LMCD1: variants seen among roughly 807,000 people sequenced by gnomAD.
LMCD1 encodes the protein LIM and cysteine-rich domains protein 1.
In LMCD1, 32 loss-of-function variants were observed where a neutral mutation model predicts 42.7. That is an observed-to-expected ratio of 0.75 (90% confidence interval 0.57 to 1.01). The LOEUF is 1.01. Among genes scored for constraint, LMCD1 ranks in the 50% least tolerant of loss-of-function variants. LMCD1 has a pLI of 0.00. For synonymous variants in LMCD1, 178 were observed against 184.9 expected (o/e 0.96, Z 0.30); for missense variants, 458 against 483.1 (o/e 0.95, Z 0.49).
intron 1 of LMCD1, among the ~76,000 whole-genome samples, chr3:8,524,327 G>A (rs956037692): frequency 6.6e-6 from 1 of 152,150 alleles, no homozygotes; most frequent in East Asian, 1.9e-4. Context: ...GTTGGGGAGG[G>A]TTTGGGGACC....
chr3:8,549,725 TG>T lies in LMCD1; in HGVS notation c.723+824del, dbSNP rs140039789. ...AAAAGGAATGTATTTCATACATCTGTGGAGGCTGAGAAGTCCAAGGCCAAGG... is the reference window on the plus strand; with the variant it reads ...AAAAGGAATGTATTTCATACATCTGTGAGGCTGAGAAGTCCAAGGCCAAGG... On this transcript the variant is annotated intron_variant, in intron 4 of 5. Coordinates refer to ENST00000157600, the MANE Select transcript of LMCD1 (RefSeq NM_014583.4). The T allele has an allele frequency of 8.0e-3, 5,496 of 683,784 alleles. 50 individuals carry two copies. Among genetic ancestry groups the T allele is most frequent in the South Asian group, 0.011 (684 of 64,896 alleles). 42.4% of individuals were successfully genotyped at this position (683,784 alleles called of 1,614,324 possible).
intron 1 of LMCD1, among the ~76,000 whole-genome samples, chr3:8,525,121 T>G (rs967462405): frequency 1.3e-5 from 2 of 152,244 alleles, no homozygotes; most frequent in Non-Finnish European, 2.9e-5. Context: ...GTCATGATGC[T>G]TTACATTAGA....
intron 4 of LMCD1, among the ~76,000 whole-genome samples, chr3:8,558,203 G>C (rs1694961947): frequency 6.6e-6 from 1 of 152,184 alleles, no homozygotes; most frequent in Admixed American, 6.5e-5. Flanking sequence ...ATTCTATGTT[G>C]GTTGGAAGGG....
chr3:8,572,677 A>C lies in LMCD1; in HGVS notation c.*5079A>C, dbSNP rs927510737. On this transcript the variant is annotated 3_prime_UTR_variant, in exon 6 of 6. Coordinates refer to ENST00000157600, the MANE Select transcript of LMCD1 (RefSeq NM_014583.4). ...ATTTCTATTTTATTAAATAGTTTAT[A>C]ATTGATTACCATCCTTATTTATTTT... The C allele has an allele frequency of 1.3e-5, 2 of 152,198 alleles. No homozygotes were observed. The highest frequency in any genetic ancestry group is 2.9e-5 in the Non-Finnish European group (2 of 68,040). The allele number at this position is 152,198 out of a possible 1,614,324, so 9.4% of individuals were successfully genotyped here. A position where few individuals can be genotyped will look rare whatever the true frequency, so the allele number is the denominator to read the frequency against.
chr3:8,512,775 C>G (rs956929518), intron 1 of LMCD1, among the ~76,000 whole-genome samples: 7 of 152,178 alleles, frequency 4.6e-5, no homozygotes, highest in African/African-American at 1.4e-4. Flanking sequence ...TTAAAATTAA[C>G]TTTTAAGAGG....
chr3:8,514,286 A>G (rs1270731530), intron 1 of LMCD1, among the ~76,000 whole-genome samples: 1 of 152,242 alleles, frequency 6.6e-6, no homozygotes, highest in Non-Finnish European at 1.5e-5. Context: ...ATCATTATTC[A>G]TTACAGAAAA....
At chr3:8,513,042 C>T (rs1694031641) in intron 1 of LMCD1, among the ~76,000 whole-genome samples, 1 of 152,158 alleles carries the variant, frequency 6.6e-6, no homozygotes, top group Non-Finnish European at 1.5e-5. Context: ...ACACTCACAC[C>T]TCCTGAAGAT....
chr3:8,513,418 T>G (rs945620288), intron 1 of LMCD1, among the ~76,000 whole-genome samples: 1 of 152,134 alleles, frequency 6.6e-6, no homozygotes, highest in Non-Finnish European at 1.5e-5. Flanking sequence ...CTCACTCAGG[T>G]GGGGAAGCCC....
rs908418785 is a variant in LMCD1 at position 8,571,829 on chromosome 3, G to A, written c.*4231G>A. The A allele has an allele frequency of 6.6e-6, 1 of 152,212 alleles. No individual in the cohort carries two copies. The highest frequency in any genetic ancestry group is 2.4e-5 in the African/African-American group (1 of 41,454). The allele number at this position is 152,212 out of a possible 1,614,324, so 9.4% of individuals were successfully genotyped here. On this transcript the variant is annotated 3_prime_UTR_variant, in exon 6 of 6. Transcript: ENST00000157600. ...ACTTACGAAAAAAGTTACAAGAAGA[G>A]AACAAAGAGCTATTAGAGGGTGTTG... is the stretch of plus-strand genomic sequence containing the variant.
At chr3:8,502,941 T>C (rs1693794255) in intron 1 of LMCD1, among the ~76,000 whole-genome samples, 1 of 152,124 alleles carries the variant, frequency 6.6e-6, no homozygotes, top group African/African-American at 2.4e-5. Context: ...CAGCTGACTG[T>C]AAGGCAAGCC....
chr3:8,558,811 T>C (rs1694973862), intron 4 of LMCD1, among the ~76,000 whole-genome samples: 1 of 152,198 alleles, frequency 6.6e-6, no homozygotes, highest in African/African-American at 2.4e-5. Flanking sequence ...GCTGAGCTTA[T>C]GTATAAAGTT....
chr3:8,529,361 C>T (rs1694361978), intron 1 of LMCD1, among the ~76,000 whole-genome samples: 1 of 152,198 alleles, frequency 6.6e-6, no homozygotes, highest in Non-Finnish European at 1.5e-5. Flanking sequence ...ATTTTTCTCT[C>T]CCACATACTT....
At chr3:8,506,649 G>C (rs1033836934) in intron 1 of LMCD1, among the ~76,000 whole-genome samples, 1 of 152,234 alleles carries the variant, frequency 6.6e-6, no homozygotes, top group Non-Finnish European at 1.5e-5. Context: ...GTCTCATAAA[G>C]TGGAGATTTG....
chr3:8,514,965 A>C (rs754495507), intron 1 of LMCD1: 1 of 456,760 alleles, frequency 2.2e-6, no homozygotes, highest in Admixed American at 2.3e-5. Context: ...TAATCGAGCG[A>C]ATACTGGAGA....
At chr3:8,505,068 A>G (rs1472404855) in intron 1 of LMCD1, among the ~76,000 whole-genome samples, 1 of 152,236 alleles carries the variant, frequency 6.6e-6, no homozygotes, top group Non-Finnish European at 1.5e-5. Context: ...GATGATGTAC[A>G]TAAAAGGCTC....
chr3:8,550,142 T>G lies in LMCD1; in HGVS notation c.723+1239T>G. ...AAAGGAGAAGCCAGAGTTGGGGAGA[T>G]GAAAGCCTCATGGCTTGGTTTGTCT... On this transcript the variant is annotated intron_variant, in intron 4 of 5. Transcript: ENST00000157600. 2.2e-6 allele frequency: 3 copies of G among 1,361,222 alleles called. No homozygotes were observed. In the South Asian group the frequency reaches 4.6e-5, roughly 21 times the overall value. 84.3% of individuals were successfully genotyped at this position (1,361,222 alleles called of 1,614,324 possible). A position where few individuals can be genotyped will look rare whatever the true frequency, so the allele number is the denominator to read the frequency against.
At chr3:8,528,761 A>AT (rs929032792) in intron 1 of LMCD1, among the ~76,000 whole-genome samples, 4 of 151,640 alleles carry the variant, frequency 2.6e-5, no homozygotes, top group Admixed American at 6.6e-5. Flanking sequence ...TCTTGGTGAC[A>AT]TTTTTTTTCC....
rs185318941 is a variant in LMCD1 at position 8,541,473 on chromosome 3, C to T, written c.387+4033C>T. Among the ~76,000 whole-genome samples, 1,182 of 152,204 alleles carry T rather than the reference C, an allele frequency of 7.8e-3. 17 individuals carry two copies. Among genetic ancestry groups the T allele is most frequent in the Middle Eastern group, 0.071 (21 of 294 alleles). ...CTGAGGCTGGATAATCGCTTGAACC[C>T]GGGAGGCAGAGGTTGCAGTGAGCCG... is the stretch of plus-strand genomic sequence containing the variant. On this transcript the variant is annotated intron_variant, in intron 3 of 5. Coordinates refer to ENST00000157600, the MANE Select transcript of LMCD1 (RefSeq NM_014583.4).
chr3:8,512,501 T>A (rs1469823910), intron 1 of LMCD1, among the ~76,000 whole-genome samples: 1 of 152,202 alleles, frequency 6.6e-6, no homozygotes, highest in Non-Finnish European at 1.5e-5. Flanking sequence ...ATTATGGTGA[T>A]CATCCCTGTG....
Sources: gnomAD v4.1 joint callset for allele counts (sites outside exome capture counted in the v4.1 genomes callset) on GRCh38, gnomAD v4.1.1 for gene constraint, MANE v1.5 for transcripts, NCBI Gene and HGNC (gene_info 2026-07-23, HGNC 2026-07-21) for gene names.